DPYD: variants seen among roughly 807,000 people sequenced by gnomAD.
The protein encoded by DPYD is dihydropyrimidine dehydrogenase.
A neutral mutation model predicts 116.2 loss-of-function variants in DPYD; 109 were observed. The observed-to-expected ratio is 0.94, with a 90% CI of 0.80 to 1.10. The LOEUF is 1.10. Ranked by LOEUF, DPYD falls within the 50% of genes least tolerant of loss-of-function variation. The pLI, the probability that DPYD is intolerant of heterozygous loss-of-function variation, is 0.00. For missense variants in DPYD, 1,302 were observed against 1,254.5 expected (o/e 1.04, Z -0.57); for synonymous variants, 440 against 432.0 (o/e 1.02, Z -0.23).
At chr1:97,298,010 G>C (rs1192558420) in intron 18 of DPYD, among the ~76,000 whole-genome samples, 3 of 152,056 alleles carry the variant, frequency 2.0e-5, no homozygotes, top group Non-Finnish European at 4.4e-5. Context: ...CAAAGACTGT[G>C]TTCCACTTTT....
At chr1:97,261,190 T>C (rs1298744630) in intron 18 of DPYD, among the ~76,000 whole-genome samples, 1 of 152,068 alleles carries the variant, frequency 6.6e-6, no homozygotes, top group Non-Finnish European at 1.5e-5. Context: ...TCTCTTTCCA[T>C]GTAGCTTTTC....
intron 5 of DPYD, among the ~76,000 whole-genome samples, chr1:97,700,514 A>G (rs1484024668): frequency 6.6e-6 from 1 of 152,000 alleles, no homozygotes; most frequent in Admixed American, 6.6e-5. Flanking sequence ...TAAATAGCCA[A>G]CCTAGCCTTG....
intron 11 of DPYD, among the ~76,000 whole-genome samples, chr1:97,561,135 G>A (rs1239116097): frequency 6.6e-6 from 1 of 152,122 alleles, no homozygotes; most frequent in Admixed American, 6.6e-5. Flanking sequence ...CAACAAAAAA[G>A]AAATTAAATA....
intron 19 of DPYD, among the ~76,000 whole-genome samples, chr1:97,222,390 T>C (rs562200586): frequency 6.6e-5 from 10 of 152,264 alleles, no homozygotes; most frequent in Non-Finnish European, 1.5e-4. Flanking sequence ...TTTTTTTCTA[T>C]AGTAAAACTG....
intron 13 of DPYD, among the ~76,000 whole-genome samples, chr1:97,457,598 A>T (rs1449330764): frequency 6.6e-6 from 1 of 152,176 alleles, no homozygotes; most frequent in African/African-American, 2.4e-5. Flanking sequence ...GGCATGTGGT[A>T]TTTGATAAAT....
intron 12 of DPYD, among the ~76,000 whole-genome samples, chr1:97,540,737 C>T (rs538112581): frequency 2.0e-5 from 3 of 152,146 alleles, no homozygotes; most frequent in African/African-American, 4.8e-5. Context: ...GGTTGGGGAG[C>T]AGGGCTGAAA....
chr1:97,230,737 T>C lies in DPYD; in HGVS notation c.2442+4115A>G, dbSNP rs370216989. 3.2e-4 allele frequency among the ~76,000 whole-genome samples: 49 copies of C among 152,294 alleles called. 1 individual carries two copies. The East Asian group carries it at 5.8e-3, about 18-fold the overall frequency. On this transcript the variant is annotated intron_variant, in intron 19 of 22. Coordinates refer to ENST00000370192, the MANE Select transcript of DPYD (RefSeq NM_000110.4). Reference sequence around the variant, plus strand: ...CAATGTGGCGTGGGTCTAAGGGTCATGACAGCCATGTGATAGAAGTTCAGA... The same window carrying C: ...CAATGTGGCGTGGGTCTAAGGGTCACGACAGCCATGTGATAGAAGTTCAGA...
chr1:97,572,900 A>G (rs1652996413), intron 11 of DPYD, among the ~76,000 whole-genome samples: 1 of 152,056 alleles, frequency 6.6e-6, no homozygotes, highest in Admixed American at 6.6e-5. Context: ...CAAAAAATGT[A>G]ATTTTAGCAT....
chr1:97,558,701 T>C (rs1472239907), intron 11 of DPYD, among the ~76,000 whole-genome samples: 1 of 152,154 alleles, frequency 6.6e-6, no homozygotes, highest in African/African-American at 2.4e-5. Context: ...AATAATAGCC[T>C]ATAGCAACTC....
intron 8 of DPYD, among the ~76,000 whole-genome samples, chr1:97,677,690 G>T (rs1660218318): frequency 6.6e-6 from 1 of 152,108 alleles, no homozygotes; most frequent in Admixed American, 6.5e-5. Context: ...AAAATTTTCT[G>T]AAAGGAAGGA....
intron 16 of DPYD, among the ~76,000 whole-genome samples, chr1:97,365,255 A>T (rs1044259887): frequency 5.9e-5 from 9 of 152,220 alleles, no homozygotes; most frequent in Admixed American, 5.2e-4. Context: ...TAGGCCAGTC[A>T]GATCACGTAA....
chr1:97,150,617 T>C (rs919222798), intron 20 of DPYD, among the ~76,000 whole-genome samples: 3 of 152,202 alleles, frequency 2.0e-5, no homozygotes, highest in Non-Finnish European at 2.9e-5. Flanking sequence ...ATACTGTATA[T>C]ATGAATATTT....
At chr1:97,823,145 G>GTTTTGTT (rs900328486) in intron 3 of DPYD, among the ~76,000 whole-genome samples, 1 of 151,836 alleles carries the variant, frequency 6.6e-6, no homozygotes, top group Non-Finnish European at 1.5e-5. Flanking sequence ...TTGTTTGTTT[G>GTTTTGTT]TTTTGTTTTT....
At chr1:97,665,721 T>C (rs1472339855) in intron 8 of DPYD, among the ~76,000 whole-genome samples, 4 of 152,218 alleles carry the variant, frequency 2.6e-5, no homozygotes, top group Admixed American at 2.6e-4. Context: ...TCCTATGGTT[T>C]TTAACAAATT....
intron 14 of DPYD, among the ~76,000 whole-genome samples, chr1:97,421,730 A>G (rs1236426098): frequency 6.6e-6 from 1 of 152,144 alleles, no homozygotes; most frequent in Non-Finnish European, 1.5e-5. Context: ...CTCCTCAGGG[A>G]GGTGGAAACA....
chr1:97,283,296 G>A (rs765282152), intron 18 of DPYD, among the ~76,000 whole-genome samples: 5 of 152,012 alleles, frequency 3.3e-5, no homozygotes, highest in African/African-American at 7.2e-5. Flanking sequence ...TTGGAAATAC[G>A]AAGACTATTT....
intron 14 of DPYD, among the ~76,000 whole-genome samples, chr1:97,425,265 C>A (rs562707479): frequency 1.3e-5 from 2 of 152,158 alleles, no homozygotes; most frequent in African/African-American, 4.8e-5. Flanking sequence ...CTCCCTCTTA[C>A]AACAATATAA....
At chr1:97,569,225 C>A (rs1370442350) in intron 11 of DPYD, among the ~76,000 whole-genome samples, 4 of 151,800 alleles carry the variant, frequency 2.6e-5, no homozygotes, top group Non-Finnish European at 5.9e-5. Context: ...CACTTAACAA[C>A]TGCCAGTTTG....
intron 13 of DPYD, among the ~76,000 whole-genome samples, chr1:97,459,509 G>GAATTAAAA (rs1276087981): frequency 6.6e-6 from 1 of 151,764 alleles, no homozygotes; most frequent in African/African-American, 2.4e-5. Context: ...AGAAAGGGAA[G>GAATTAAAA]AATTAAAAAA....
Sources: gnomAD v4.1 joint callset for allele counts (sites outside exome capture counted in the v4.1 genomes callset) on GRCh38, gnomAD v4.1.1 for gene constraint, MANE v1.5 for transcripts, NCBI Gene and HGNC (gene_info 2026-07-23, HGNC 2026-07-21) for gene names.